The following ESRRG variants were observed in gnomAD, a reference collection of about 807,000 sequenced individuals.
The protein encoded by ESRRG is estrogen related receptor gamma.
In ESRRG, 13 loss-of-function variants were observed where a neutral mutation model predicts 44.0. That is an observed-to-expected ratio of 0.30 (90% CI 0.19 to 0.47). The LOEUF (loss-of-function observed/expected upper bound fraction) is 0.47, where lower values mean the gene tolerates loss of function less well. Ranked by LOEUF, ESRRG falls within the 20% of genes least tolerant of loss-of-function variation. The pLI is 1.00. For synonymous variants in ESRRG, 215 were observed against 214.6 expected (o/e 1.00, Z -0.02); for missense variants, 395 against 580.6 (o/e 0.68, Z 3.29).
At chr1:216,900,296 C>G (rs1354644850) in intron 2 of ESRRG, among the ~76,000 whole-genome samples, 1 of 152,170 alleles carries the variant, frequency 6.6e-6, no homozygotes, top group Non-Finnish European at 1.5e-5. Flanking sequence ...ACTTGCAAAT[C>G]TGGAATTTTA....
At chr1:216,843,149 T>C (rs552350804) in intron 2 of ESRRG, among the ~76,000 whole-genome samples, 1 of 152,168 alleles carries the variant, frequency 6.6e-6, no homozygotes, top group South Asian at 2.1e-4. Context: ...GTCTTTTTTT[T>C]TTCTTAAATT....
intron 5 of ESRRG, among the ~76,000 whole-genome samples, chr1:216,533,770 G>A (rs2050097426): frequency 6.6e-6 from 1 of 152,172 alleles, no homozygotes; most frequent in Non-Finnish European, 1.5e-5. Flanking sequence ...ATGCTTTTAG[G>A]ACAAGACAGA....
Position 216,859,083 on chromosome 1 carries a change from C to T in ESRRG, c.-14+80499G>A, listed in dbSNP as rs551009175. On this transcript the variant is annotated intron_variant, in intron 2 of 7. Transcript: ENST00000359162. The stretch of plus-strand genomic sequence containing the variant: ...CTCCAGCGCTGTGTGAGAAACTCTA[C>T]TTTGTAAAATAAGCATAAAATAGGA... 5.9e-5 allele frequency among the ~76,000 whole-genome samples: 9 copies of T among 152,322 alleles called. No individual in the cohort carries two copies. The South Asian group carries it at 1.0e-3, about 18-fold the overall frequency.
At chr1:216,651,816 AT>A (rs1424197363) in intron 2 of ESRRG, among the ~76,000 whole-genome samples, 1 of 152,190 alleles carries the variant, frequency 6.6e-6, no homozygotes, top group East Asian at 1.9e-4. Context: ...GAAATTATAT[AT>A]TTTTAAGATT....
rs114604177 is a variant in ESRRG at position 216,932,073 on chromosome 1, G to A, written c.-14+7509C>T. Among the ~76,000 whole-genome samples, 412 of 152,090 alleles carry A rather than the reference G, an allele frequency of 2.7e-3. 6 individuals are homozygous for A. In the East Asian group the frequency reaches 0.038, roughly 14 times the overall value. Reference sequence around the variant, plus strand: ...ATAAAAATCAGCCGGACATGGTGGCGTGCACCTGTAATCCGAGTTACTCAG... The same window carrying A: ...ATAAAAATCAGCCGGACATGGTGGCATGCACCTGTAATCCGAGTTACTCAG... On this transcript the variant is annotated intron_variant, in intron 2 of 7. Coordinates refer to the ESRRG transcript ENST00000359162.
chr1:216,587,382 T>C (rs1044949744), intron 3 of ESRRG, among the ~76,000 whole-genome samples: 2 of 152,058 alleles, frequency 1.3e-5, no homozygotes, highest in African/African-American at 2.4e-5. Flanking sequence ...GGGGAAAGAG[T>C]TAATGAATTA....
intron 1 of ESRRG, among the ~76,000 whole-genome samples, chr1:217,074,534 T>G (rs2151474125): frequency 6.6e-6 from 1 of 151,726 alleles, no homozygotes; most frequent in Admixed American, 6.6e-5. Flanking sequence ...TTACTTTTGG[T>G]TTTTAATAAC....
chr1:216,802,381 G>C (rs1342873063), intron 2 of ESRRG, among the ~76,000 whole-genome samples: 3 of 152,142 alleles, frequency 2.0e-5, no homozygotes, highest in Non-Finnish European at 4.4e-5. Context: ...TCAAAAAAGA[G>C]AGAATTCACT....
At position 216,835,144 on chromosome 1, in the gene ESRRG, C is replaced by T. The variant is rs150783772; in HGVS notation, c.-14+104438G>A. 5.3e-3 allele frequency among the ~76,000 whole-genome samples: 625 copies of T among 116,888 alleles called. 5 individuals are homozygous for T. The highest frequency in any genetic ancestry group is 0.025 in the African/African-American group (588 of 23,504). 76.7% of individuals were successfully genotyped at this position (116,888 alleles called of 152,430 possible). A position where few individuals can be genotyped will look rare whatever the true frequency, so the allele number is the denominator to read the frequency against. ...GAACTTTGGCATGTAAATGGAGGAACCAACTGATAATCAGAGTTGAATCTT... is the reference window on the plus strand; with the variant it reads ...GAACTTTGGCATGTAAATGGAGGAATCAACTGATAATCAGAGTTGAATCTT... On this transcript the variant is annotated intron_variant, in intron 2 of 7. Coordinates refer to the ESRRG transcript ENST00000359162.
At chr1:216,552,347 C>T (rs937429547) in intron 5 of ESRRG, among the ~76,000 whole-genome samples, 1 of 152,132 alleles carries the variant, frequency 6.6e-6, no homozygotes, top group African/African-American at 2.4e-5. Context: ...TAATGCACAA[C>T]TGAGCATTAA....
chr1:216,650,784 TC>T (rs1477089447), intron 3 of ESRRG, among the ~76,000 whole-genome samples, 188 bp downstream of exon 3: 1 of 152,132 alleles, frequency 6.6e-6, no homozygotes, highest in African/African-American at 2.4e-5. Flanking sequence ...CCTTGTCCCT[TC>T]CTGTCAATGT....
intron 1 of ESRRG, among the ~76,000 whole-genome samples, chr1:217,068,708 A>T (rs1440876258): frequency 6.6e-6 from 1 of 152,222 alleles, no homozygotes; most frequent in African/African-American, 2.4e-5. Flanking sequence ...AGTGGAAACG[A>T]TAAGAAAACT....
At chr1:216,809,325 T>TAAAAAA (rs201618241) in intron 2 of ESRRG, among the ~76,000 whole-genome samples, 2 of 119,116 alleles carry the variant, frequency 1.7e-5, no homozygotes, top group Non-Finnish European at 3.4e-5. Flanking sequence ...TTTTTTACAG[T>TAAAAAA]AAAAAAAAAA....
intron 1 of ESRRG, among the ~76,000 whole-genome samples, chr1:217,108,134 C>T (rs1004564262): frequency 6.6e-6 from 1 of 152,156 alleles, no homozygotes; most frequent in African/African-American, 2.4e-5. Flanking sequence ...CTTGACAACA[C>T]AAACTCTTAA....
chr1:217,003,765 G>A (rs1206295600), intron 1 of ESRRG, among the ~76,000 whole-genome samples: 1 of 151,630 alleles, frequency 6.6e-6, no homozygotes, highest in Non-Finnish European at 1.5e-5. Context: ...TAATATTTGT[G>A]TGACTTCTAA....
At chr1:216,989,759 T>C (rs563931992) in intron 1 of ESRRG, among the ~76,000 whole-genome samples, 199 of 152,302 alleles carry the variant, frequency 1.3e-3, no homozygotes, top group African/African-American at 4.6e-3. Context: ...TATGACTTGG[T>C]TTCCATGGGC....
intron 3 of ESRRG, among the ~76,000 whole-genome samples, chr1:216,592,989 G>A (rs1172041083): frequency 6.6e-6 from 1 of 152,140 alleles, no homozygotes; most frequent in African/African-American, 2.4e-5. Flanking sequence ...TCCATTACAA[G>A]GTTTGTGAAT....
chr1:216,547,546 G>A (rs530404623), intron 5 of ESRRG, among the ~76,000 whole-genome samples: 260 of 152,100 alleles, frequency 1.7e-3, no homozygotes, highest in African/African-American at 6.0e-3. Context: ...GCACATACAC[G>A]TCTGCTGACA....
chr1:216,884,623 C>G lies in ESRRG; in HGVS notation c.-14+54959G>C, dbSNP rs568372585. ...GGCATTCTTCAGTACCTGGAGCAGT[C>G]TTCTCAGTTTCCTCTAGTCTAGGAC... On this transcript the variant is annotated intron_variant, in intron 2 of 7. Coordinates refer to the ESRRG transcript ENST00000359162. 4.9e-4 allele frequency among the ~76,000 whole-genome samples: 75 copies of G among 152,278 alleles called. 2 individuals carry two copies. In the South Asian group the frequency reaches 8.9e-3, roughly 18 times the overall value.
Sources: gnomAD v4.1 joint callset for allele counts (sites outside exome capture counted in the v4.1 genomes callset) on GRCh38, gnomAD v4.1.1 for gene constraint, MANE v1.5 for transcripts, NCBI Gene and HGNC (gene_info 2026-07-23, HGNC 2026-07-21) for gene names.